The following EZH2 variants were observed in gnomAD, a reference collection of about 807,000 sequenced individuals.
EZH2 encodes the protein histone-lysine N-methyltransferase EZH2.
Under a neutral mutation model 98.4 loss-of-function variants are expected in EZH2, and 18 were observed. The ratio of observed to expected loss-of-function variants is 0.18; its 90% CI spans 0.13 to 0.27. EZH2 has a LOEUF of 0.27. EZH2 is among the 10% of genes least tolerant of loss of function. The probability of loss-of-function intolerance (pLI) is 1.00; values close to 1 mark genes in which losing one functional copy is unlikely to be tolerated. For synonymous variants in EZH2, 338 were observed against 312.3 expected (o/e 1.08, Z -0.87); for missense variants, 470 against 935.1 (o/e 0.50, Z 6.49).
At chr7:148,818,326 A>G (rs1220441243) in intron 9 of EZH2, among the ~76,000 whole-genome samples, 1 of 152,222 alleles carries the variant, frequency 6.6e-6, no homozygotes, top group African/African-American at 2.4e-5. Flanking sequence ...GGTTCTATAT[A>G]TTCCTAGAAT....
chr7:148,874,015 G>A (rs1255264666), intron 1 of EZH2, among the ~76,000 whole-genome samples: 4 of 152,264 alleles, frequency 2.6e-5, no homozygotes, highest in South Asian at 4.1e-4. Context: ...AAGAGGACAG[G>A]CACAGAATCT....
chr7:148,823,547 C>T (rs1806776665), intron 8 of EZH2, among the ~76,000 whole-genome samples: 1 of 151,722 alleles, frequency 6.6e-6, no homozygotes, highest in Non-Finnish European at 1.5e-5. Context: ...AATACGAGAA[C>T]CAATAAAAGT....
At chr7:148,854,806 CA>C (rs1816535299) in intron 1 of EZH2, among the ~76,000 whole-genome samples, 1 of 152,190 alleles carries the variant, frequency 6.6e-6, no homozygotes, top group South Asian at 2.1e-4. Context: ...CTGTTAGTAT[CA>C]TTTGGCAATT....
At chr7:148,859,505 A>AAACAACAACAACAACAAC (rs71529644) in intron 1 of EZH2, among the ~76,000 whole-genome samples, 4 of 150,172 alleles carry the variant, frequency 2.7e-5, no homozygotes, top group East Asian at 2.0e-4. Context: ...TCTGTCTCAA[A>AAACAACAACAACAACAAC]AACAACAACA....
At position 148,873,491 on chromosome 7, in the gene EZH2, C is replaced by CAAAA. The variant is rs1162280467; in HGVS notation, c.-8+10669_-8+10672dup. 5.0e-3 allele frequency among the ~76,000 whole-genome samples: 293 copies of CAAAA among 58,488 alleles called. 11 individuals carry two copies. The highest frequency in any genetic ancestry group is 0.017 in the African/African-American group (274 of 16,076). The allele number at this position is 58,488 out of a possible 152,430, so 38.4% of individuals were successfully genotyped here. On this transcript the variant is annotated intron_variant, in intron 1 of 19. Coordinates refer to ENST00000320356, the MANE Select transcript of EZH2 (RefSeq NM_004456.5). ...TGGGTGACAGAGTGAGACTCTGTCT[C>CAAAA]AAAAAAAAAAAAAAAAAAAGAAAGA...
intron 19 of EZH2, among the ~76,000 whole-genome samples, chr7:148,807,942 A>T (rs1252233198): frequency 6.6e-6 from 1 of 152,154 alleles, no homozygotes; most frequent in Non-Finnish European, 1.5e-5. Context: ...TTCTGAAGTG[A>T]ACAAACCTGT....
At chr7:148,883,903 G>A (rs1486612603) in intron 1 of EZH2, among the ~76,000 whole-genome samples, 6 of 150,974 alleles carry the variant, frequency 4.0e-5, no homozygotes, top group South Asian at 2.1e-4. Flanking sequence ...CACGCCCCCC[G>A]CCCCGCAGCT....
chr7:148,819,709 G>C, intron 8 of EZH2, 22 bp from the exon 9 acceptor site: 1 of 1,595,598 alleles, frequency 6.3e-7, no homozygotes, highest in East Asian at 2.2e-5. Flanking sequence ...ATGAAACAAA[G>C]AATCTAATAT....
intron 3 of EZH2, among the ~76,000 whole-genome samples, chr7:148,841,251 A>G (rs981174615): frequency 1.3e-4 from 20 of 152,088 alleles, no homozygotes; most frequent in Non-Finnish European, 2.6e-4. Context: ...CAAGAAAAAA[A>G]AAATCCTTAT....
At chr7:148,839,132 C>G (rs1284003177) in intron 3 of EZH2, among the ~76,000 whole-genome samples, 2 of 145,758 alleles carry the variant, frequency 1.4e-5, no homozygotes, top group African/African-American at 5.3e-5. Context: ...ATGGCACAGG[C>G]TGTGGTTTCT....
chr7:148,815,669 C>T, intron 12 of EZH2, 123 bp from the exon 13 acceptor site: 1 of 834,914 alleles, frequency 1.2e-6, no homozygotes, highest in Non-Finnish European at 2.0e-6. Flanking sequence ...AAGAGTCATG[C>T]CCTGCCCAGT....
At chr7:148,839,529 G>T (rs554444454) in intron 3 of EZH2, among the ~76,000 whole-genome samples, 1 of 91,592 alleles carries the variant, frequency 1.1e-5, no homozygotes, top group Admixed American at 1.1e-4. Flanking sequence ...CATCAAAATG[G>T]GGGGGGGGCA....
At chr7:148,841,181 CT>C (rs780466171) in intron 3 of EZH2, among the ~76,000 whole-genome samples, 1,843 of 146,150 alleles carry the variant, frequency 0.013, 31 homozygotes, top group African/African-American at 0.043. Context: ...CACAAATGAC[CT>C]TTTTTTTTTA....
chr7:148,807,580 C>T lies in EZH2; in HGVS notation c.*66G>A. On this transcript the variant is annotated 3_prime_UTR_variant, in exon 20 of 20. Coordinates refer to ENST00000320356, the MANE Select transcript of EZH2 (RefSeq NM_004456.5). ...CTGCATGTTCTTTTTCTAAATTGCCCACAGTACTCGAGGTTCCTGAAGCTA... is the reference window on the plus strand; with the variant it reads ...CTGCATGTTCTTTTTCTAAATTGCCTACAGTACTCGAGGTTCCTGAAGCTA... The T allele has an allele frequency of 7.8e-7, 1 of 1,277,166 alleles. No homozygotes were observed. The highest frequency in any genetic ancestry group is 1.1e-6 in the Non-Finnish European group (1 of 895,186). The allele number at this position is 1,277,166 out of a possible 1,614,324, so 79.1% of individuals were successfully genotyped here. A position where few individuals can be genotyped will look rare whatever the true frequency, so the allele number is the denominator to read the frequency against.
At chr7:148,860,032 G>C (rs1289487814) in intron 1 of EZH2, among the ~76,000 whole-genome samples, 1 of 152,154 alleles carries the variant, frequency 6.6e-6, no homozygotes, top group Non-Finnish European at 1.5e-5. Flanking sequence ...TTATAAAGCT[G>C]ATCCTGAGGC....
intron 1 of EZH2, chr7:148,876,382 G>A (rs979691891): frequency 3.3e-5 from 5 of 152,046 alleles, no homozygotes; most frequent in African/African-American, 9.7e-5. Context: ...TCCAGGCAGC[G>A]GTGCAGGTGC....
At chr7:148,813,329 C>G (rs1174355338) in intron 15 of EZH2, among the ~76,000 whole-genome samples, 2 of 80,194 alleles carry the variant, frequency 2.5e-5, no homozygotes, top group African/African-American at 6.9e-5. Flanking sequence ...ATCATCTGCC[C>G]TAAAAAAAAA....
At chr7:148,833,693 G>A (rs984926049) in intron 3 of EZH2, among the ~76,000 whole-genome samples, 1 of 152,098 alleles carries the variant, frequency 6.6e-6, no homozygotes, top group Admixed American at 6.5e-5. Flanking sequence ...TACTTTCTAT[G>A]TGCTAGGCTA....
At chr7:148,876,853 T>C (rs1012039693) in intron 1 of EZH2, among the ~76,000 whole-genome samples, 1 of 152,168 alleles carries the variant, frequency 6.6e-6, no homozygotes, top group African/African-American at 2.4e-5. Context: ...CTTTTAAAAG[T>C]GTTAACGTTT....
Sources: allele counts gnomAD v4.1 joint callset (sites outside exome capture counted in the v4.1 genomes callset), GRCh38; gene constraint gnomAD v4.1.1; transcripts MANE v1.5; gene names NCBI Gene and HGNC (gene_info 2026-07-23, HGNC 2026-07-21).